ARHGAP35: variants seen among roughly 807,000 people sequenced by gnomAD.
The protein encoded by ARHGAP35 is Rho GTPase activating protein 35, also known as rho GTPase-activating protein 35.
ARHGAP35 carries 15 observed loss-of-function variants against 111.1 expected under a neutral mutation model. The ratio of observed to expected loss-of-function variants is 0.13; its 90% confidence interval spans 0.09 to 0.21. ARHGAP35 has a LOEUF of 0.21. ARHGAP35 is among the 10% of genes least tolerant of loss of function. ARHGAP35 has a pLI of 1.00. For synonymous variants in ARHGAP35, 643 were observed against 710.3 expected, an observed-to-expected ratio of 0.91 and a Z score of 1.51; for missense variants, 1,262 against 1,873.0, an observed-to-expected ratio of 0.67 and a Z score of 6.02.
intron 3 of ARHGAP35, among the ~76,000 whole-genome samples, chr19:46,970,682 G>A (rs990974740): frequency 5.3e-5 from 8 of 152,176 alleles, no homozygotes; most frequent in African/African-American, 1.7e-4. Context: ...AAGCCAGGAC[G>A]ATGATGCAGC....
At chr19:46,937,153 C>T in intron 2 of ARHGAP35, 111 bp from the exon 3 acceptor site, 1 of 1,322,364 alleles carries the variant, frequency 7.6e-7, no homozygotes, top group Non-Finnish European at 1.0e-6. Flanking sequence ...TCTTGACATT[C>T]TTTCTAGCAG....
intron 3 of ARHGAP35, among the ~76,000 whole-genome samples, chr19:46,941,973 A>G (rs1328804540): frequency 6.6e-6 from 1 of 151,748 alleles, no homozygotes; most frequent in Non-Finnish European, 1.5e-5. Flanking sequence ...GAAAAAAATG[A>G]CCATATATTT....
chr19:46,969,220 C>T (rs1238436852), intron 3 of ARHGAP35, among the ~76,000 whole-genome samples: 3 of 152,280 alleles, frequency 2.0e-5, no homozygotes, highest in Admixed American at 6.5e-5. Flanking sequence ...ACTTGTGCAA[C>T]TCTGAATGTG....
chr19:46,937,956 G>A (rs907172783), intron 3 of ARHGAP35, among the ~76,000 whole-genome samples: 1 of 152,202 alleles, frequency 6.6e-6, no homozygotes, highest in African/African-American at 2.4e-5. Context: ...ACAACTTGAT[G>A]CTATCACAAA....
At chr19:46,875,846 G>C (rs373934634) in intron 1 of ARHGAP35, among the ~76,000 whole-genome samples, 42 of 152,216 alleles carry the variant, frequency 2.8e-4, no homozygotes, top group African/African-American at 1.0e-3. Flanking sequence ...CTTGGTCTTT[G>C]TACAACTTGT....
intron 1 of ARHGAP35, among the ~76,000 whole-genome samples, chr19:46,879,159 A>T (rs1599795570): frequency 1.3e-5 from 2 of 152,180 alleles, no homozygotes; most frequent in African/African-American, 4.8e-5. Flanking sequence ...ATTCCATCTT[A>T]AAAAATTGCT....
At chr19:46,949,971 AT>A (rs1485805059) in intron 3 of ARHGAP35, among the ~76,000 whole-genome samples, 2 of 152,204 alleles carry the variant, frequency 1.3e-5, no homozygotes, top group Non-Finnish European at 2.9e-5. Flanking sequence ...TCCTTGAAAT[AT>A]AACACACACT....
At chr19:46,882,250 C>T (rs927589702) in intron 1 of ARHGAP35, among the ~76,000 whole-genome samples, 1 of 151,272 alleles carries the variant, frequency 6.6e-6, no homozygotes, top group African/African-American at 2.4e-5. Flanking sequence ...CCCCCCACCT[C>T]AACCCCCCCA....
chr19:46,864,642 ATAG>A (rs1433116389), intron 1 of ARHGAP35, among the ~76,000 whole-genome samples: 3 of 152,270 alleles, frequency 2.0e-5, no homozygotes, highest in Non-Finnish European at 2.9e-5. Context: ...AAGAGGGCTG[ATAG>A]TAGATTTGTA....
intron 2 of ARHGAP35, among the ~76,000 whole-genome samples, chr19:46,932,464 A>G (rs761283263): frequency 2.0e-5 from 3 of 152,158 alleles, no homozygotes; most frequent in Admixed American, 6.5e-5. Flanking sequence ...AGTGCACCCA[A>G]TAACTCCCTG....
At chr19:46,894,022 T>C (rs934762392) in intron 1 of ARHGAP35, among the ~76,000 whole-genome samples, 1 of 152,022 alleles carries the variant, frequency 6.6e-6, no homozygotes, top group African/African-American at 2.4e-5. Context: ...TACCATAAAT[T>C]CAGGGTGCAG....
Position 46,999,569 on chromosome 19 carries a change from G to A in ARHGAP35, c.4142+160G>A. 1 of 605,780 alleles carries A rather than the reference G, an allele frequency of 1.7e-6. No individual in the cohort carries two copies. The highest frequency in any genetic ancestry group is 1.9e-5 in the African/African-American group (1 of 53,974). The allele number at this position is 605,780 out of a possible 1,614,324, so 37.5% of individuals were successfully genotyped here. A position where few individuals can be genotyped will look rare whatever the true frequency, so the allele number is the denominator to read the frequency against. On this transcript the variant is annotated intron_variant, in intron 6 of 6. Transcript: ENST00000672722. This position sits in a 1 kb window ranked among gnomAD's most constrained non-coding sequence, Gnocchi z 5.4. ...TCCCATGGTGCCCGCTGGTCTCGGT[G>A]CCCAGAGCCTCTGCCTCTCGCCCAT...
chr19:46,863,474 CCCTT>C (rs1300376987), intron 1 of ARHGAP35, among the ~76,000 whole-genome samples: 1 of 152,086 alleles, frequency 6.6e-6, no homozygotes, highest in African/African-American at 2.4e-5. Context: ...TTTGCTCTCT[CCCTT>C]CCTATCTCTG....
intron 1 of ARHGAP35, among the ~76,000 whole-genome samples, chr19:46,913,785 T>C (rs1169290401): frequency 6.6e-6 from 1 of 152,186 alleles, no homozygotes; most frequent in Non-Finnish European, 1.5e-5. Flanking sequence ...TTCCCCTCTG[T>C]TTTAACTCTT....
chr19:46,966,327 T>C (rs888402573), intron 3 of ARHGAP35, among the ~76,000 whole-genome samples: 3 of 152,116 alleles, frequency 2.0e-5, no homozygotes, highest in Non-Finnish European at 4.4e-5. Flanking sequence ...AGCAGGAGGA[T>C]TGCTTGAACC....
At chr19:46,914,934 C>T (rs1356779063) in intron 1 of ARHGAP35, among the ~76,000 whole-genome samples, 1 of 152,164 alleles carries the variant, frequency 6.6e-6, no homozygotes, top group African/African-American at 2.4e-5. Context: ...ACCAGTGCTA[C>T]CAAGTTGCAT....
chr19:46,937,413 G>A lies in ARHGAP35; in HGVS notation c.3826+5G>A. On this transcript the variant is annotated splice_donor_5th_base_variant and intron_variant, in intron 3 of 6. Coordinates refer to ENST00000672722, the MANE Select transcript of ARHGAP35 (RefSeq NM_004491.5). ...TTGAGTACATTGAAGCCACAGGTAA[G>A]AGTATTACCTCATAGCAGTTTATAA... is the stretch of plus-strand genomic sequence containing the variant. 2 of 1,613,674 alleles carry A rather than the reference G, an allele frequency of 1.2e-6. No individual in the cohort carries two copies. Among genetic ancestry groups the A allele is most frequent in the Non-Finnish European group, 1.7e-6 (2 of 1,179,626 alleles).
At chr19:46,930,494 A>C (rs926033184) in intron 2 of ARHGAP35, among the ~76,000 whole-genome samples, 1 of 148,192 alleles carries the variant, frequency 6.7e-6, no homozygotes, top group African/African-American at 2.5e-5. Context: ...AAAAAAAGGC[A>C]GTGAATCCAA....
chr19:46,929,770 G>A (rs888205530), intron 2 of ARHGAP35, among the ~76,000 whole-genome samples: 5 of 151,056 alleles, frequency 3.3e-5, no homozygotes, highest in East Asian at 2.0e-4. Flanking sequence ...AAAATTAGCC[G>A]GGCTTGGTGG....
Sources: gnomAD v4.1 joint callset for allele counts (sites outside exome capture counted in the v4.1 genomes callset) on GRCh38, gnomAD v4.1.1 for gene constraint, Gnocchi (gnomAD v3.1) non-coding constraint, MANE v1.5 for transcripts, NCBI Gene and HGNC (gene_info 2026-07-23, HGNC 2026-07-21) for gene names.